Variants in FAM81A observed in about 807,000 individuals in gnomAD.
The protein encoded by FAM81A is family with sequence similarity 81 member A.
Under a neutral mutation model 46.7 loss-of-function variants are expected in FAM81A, and 19 were observed. The ratio of observed to expected loss-of-function variants is 0.41; its 90% CI spans 0.28 to 0.60. The LOEUF is 0.60. Among genes scored for constraint, FAM81A ranks in the 20% least tolerant of loss-of-function variants. FAM81A has a pLI of 0.34. For missense variants in FAM81A, 377 were observed against 453.5 expected (o/e 0.83, Z 1.53); for synonymous variants, 183 against 152.9 (o/e 1.20, Z -1.45).
chr15:59,439,468 A>G (rs190190379), intron 1 of FAM81A, among the ~76,000 whole-genome samples: 1 of 152,000 alleles, frequency 6.6e-6, no homozygotes, highest in East Asian at 1.9e-4. Context: ...ACTAAAAAGG[A>G]CACTTAGGCC....
At chr15:59,459,025 C>T (rs1195678279) in intron 2 of FAM81A, among the ~76,000 whole-genome samples, 1 of 152,232 alleles carries the variant, frequency 6.6e-6, no homozygotes, top group Non-Finnish European at 1.5e-5. Flanking sequence ...GAGACAGGGT[C>T]TCACTCTGTT....
At position 59,475,947 on chromosome 15, in the gene FAM81A, G is replaced by A. The variant is rs562418870; in HGVS notation, c.294+15741G>A. Among the ~76,000 whole-genome samples, 3 of 152,274 alleles carry A rather than the reference G, an allele frequency of 2.0e-5. No individual in the cohort carries two copies. The East Asian group carries it at 5.8e-4, about 29-fold the overall frequency. The stretch of plus-strand genomic sequence containing the variant: ...GCTATGACAAATTACCATAGACTGG[G>A]TAGCTTAAACAACAGAAATTTCTTT... On this transcript the variant is annotated intron_variant, in intron 3 of 8. Coordinates refer to ENST00000288228, the MANE Select transcript of FAM81A (RefSeq NM_152450.3).
chr15:59,473,002 A>T (rs961575656), intron 3 of FAM81A, among the ~76,000 whole-genome samples: 1 of 152,144 alleles, frequency 6.6e-6, no homozygotes, highest in African/African-American at 2.4e-5. Flanking sequence ...AAATTGAAGA[A>T]CCCCAACTCG....
At chr15:59,478,341 A>G (rs896775451) in intron 3 of FAM81A, among the ~76,000 whole-genome samples, 3 of 152,198 alleles carry the variant, frequency 2.0e-5, no homozygotes, top group Non-Finnish European at 4.4e-5. Flanking sequence ...TGAATATATC[A>G]TACGTAGTTT....
At position 59,407,044 on chromosome 15, in the gene FAM81A, T is replaced by C. The variant is rs181865094; in HGVS notation, c.-78+4686T>C. The C allele has an allele frequency of 3.0e-3, 501 of 166,062 alleles. 4 individuals carry two copies. Among genetic ancestry groups the C allele is most frequent in the African/African-American group, 0.011 (469 of 42,340 alleles). The allele number at this position is 166,062 out of a possible 1,614,324, so 10.3% of individuals were successfully genotyped here. On this transcript the variant is annotated intron_variant, in intron 2 of 4. Transcript: ENST00000558348. ...GCCACAGACTTGGGAGCCAGGACAT[T>C]GCCTCCCCAGTGATGATGGATCTCA...
intron 1 of FAM81A, among the ~76,000 whole-genome samples, chr15:59,398,362 A>T (rs2081055838): frequency 6.6e-6 from 1 of 152,230 alleles, no homozygotes; most frequent in African/African-American, 2.4e-5. Context: ...ATGTAACCAA[A>T]ATAACAGTGC....
At chr15:59,495,448 T>C (rs374487776) in intron 4 of FAM81A, among the ~76,000 whole-genome samples, 145 of 152,368 alleles carry the variant, frequency 9.5e-4, no homozygotes, top group African/African-American at 3.4e-3. Flanking sequence ...GTTTCCACTT[T>C]TGACTATTTT....
chr15:59,471,678 A>AGCCTCT (rs2081693075), intron 3 of FAM81A, among the ~76,000 whole-genome samples: 1 of 149,884 alleles, frequency 6.7e-6, no homozygotes, highest in African/African-American at 2.5e-5. Flanking sequence ...TTTGTTGCCC[A>AGCCTCT]GCCTCTGCCT....
intron 3 of FAM81A, among the ~76,000 whole-genome samples, chr15:59,472,697 C>T (rs1302247092): frequency 6.6e-6 from 1 of 152,040 alleles, no homozygotes; most frequent in Non-Finnish European, 1.5e-5. Flanking sequence ...ACTACAGGCA[C>T]AGGCCACCAT....
rs1431041217 is a variant in FAM81A, at chr15:59,460,591, T to A, written c.294+385T>A. ...TCAGACTCTGTTGCTTCAGATTAAA[T>A]GTTTCTAGGTCATAATGATTATATG... is the stretch of plus-strand genomic sequence containing the variant. On this transcript the variant is annotated intron_variant, in intron 3 of 8. Transcript: ENST00000288228. This position sits in a 1 kb window ranked among gnomAD's most constrained non-coding sequence, Gnocchi z 4.4. 2.9e-6 allele frequency: 1 copy of A among 347,948 alleles called. No homozygotes were observed. The highest frequency in any genetic ancestry group is 5.6e-6 in the Non-Finnish European group (1 of 180,108). The allele number at this position is 347,948 out of a possible 1,614,324, so 21.6% of individuals were successfully genotyped here.
chr15:59,448,415 C>G (rs77166358), intron 1 of FAM81A, among the ~76,000 whole-genome samples: 190 of 152,162 alleles, frequency 1.2e-3, no homozygotes, highest in African/African-American at 4.4e-3. Context: ...ACTCATGAGT[C>G]AAAATGTTTG....
At chr15:59,493,239 G>A (rs1278739573) in intron 4 of FAM81A, among the ~76,000 whole-genome samples, 10 of 152,204 alleles carry the variant, frequency 6.6e-5, no homozygotes, top group African/African-American at 2.4e-4. Flanking sequence ...AGTAGTATTA[G>A]GGTGTCTTTG....
At position 59,458,624 on chromosome 15, in the gene FAM81A, T is replaced by C; in HGVS notation, c.-3T>C. The C allele has an allele frequency of 6.2e-7, 1 of 1,613,988 alleles. No individual in the cohort carries two copies. The highest frequency in any genetic ancestry group is 8.5e-7 in the Non-Finnish European group (1 of 1,179,836). ...CTCGTGTCACCAAGGAAAGGTATAA[T>C]ATATGGAAAATATGCATCTAAGGTA... is the stretch of plus-strand genomic sequence containing the variant. On this transcript the variant is annotated 5_prime_UTR_variant, in exon 2 of 9. Transcript: ENST00000288228.
At chr15:59,501,851 A>G (rs1444125168) in intron 4 of FAM81A, among the ~76,000 whole-genome samples, 7 of 152,200 alleles carry the variant, frequency 4.6e-5, no homozygotes, top group African/African-American at 1.7e-4. Context: ...ATTCATTGCA[A>G]ATTCTTGTTT....
In FAM81A at chr15:59,422,130, T is replaced by C. The variant is rs375761204; in HGVS notation, c.-78+19772T>C. On this transcript the variant is annotated intron_variant, in intron 2 of 4. Transcript: ENST00000558348. ...GGCCAGGCACAGTGGCTCATGTCTGTAATCCTAGCACTTTGGGAGTCCGAG... is the reference window on the plus strand; with the variant it reads ...GGCCAGGCACAGTGGCTCATGTCTGCAATCCTAGCACTTTGGGAGTCCGAG... 3.7e-4 allele frequency among the ~76,000 whole-genome samples: 57 copies of C among 152,294 alleles called. No homozygotes were observed. In the East Asian group the frequency reaches 8.5e-3, roughly 23 times the overall value.
intron 3 of FAM81A, among the ~76,000 whole-genome samples, chr15:59,475,809 A>G (rs1194389953): frequency 6.6e-6 from 1 of 152,262 alleles, no homozygotes; most frequent in African/African-American, 2.4e-5. Context: ...TATATGTATT[A>G]TGAACTTAAG....
At chr15:59,486,963 TAGTA>T (rs1276047688) in intron 3 of FAM81A, among the ~76,000 whole-genome samples, 4 of 151,884 alleles carry the variant, frequency 2.6e-5, no homozygotes, top group Non-Finnish European at 4.4e-5. Context: ...TCACTGGTAA[TAGTA>T]AGTACACAGA....
intron 3 of FAM81A, among the ~76,000 whole-genome samples, chr15:59,472,910 CT>C (rs2081715178): frequency 6.6e-6 from 1 of 152,138 alleles, no homozygotes; most frequent in South Asian, 2.1e-4. Flanking sequence ...TAAGAATGAT[CT>C]TTTCAGTTTT....
At chr15:59,412,025 T>C (rs1160366017) in intron 2 of FAM81A, among the ~76,000 whole-genome samples, 3 of 149,224 alleles carry the variant, frequency 2.0e-5, no homozygotes, top group Non-Finnish European at 3.0e-5. Context: ...TGAGAGGCTA[T>C]TACAGTGAAG....
Sources: allele counts gnomAD v4.1 joint callset (sites outside exome capture counted in the v4.1 genomes callset), GRCh38; gene constraint gnomAD v4.1.1; non-coding constraint Gnocchi (gnomAD v3.1); transcripts MANE v1.5; gene names NCBI Gene and HGNC (gene_info 2026-07-23, HGNC 2026-07-21).